The following GPHN variants were observed in gnomAD, a reference collection of about 807,000 sequenced individuals.
The protein encoded by GPHN is gephyrin.
In GPHN, 17 loss-of-function variants were observed where a neutral mutation model predicts 95.5. The ratio of observed to expected loss-of-function variants is 0.18; its 90% confidence interval spans 0.12 to 0.27. GPHN has a LOEUF of 0.27. Among genes scored for constraint, GPHN ranks in the 10% least tolerant of loss-of-function variants. GPHN has a pLI of 1.00. For missense variants in GPHN, 660 were observed against 978.1 expected, an observed-to-expected ratio of 0.67 and a Z score of 4.34; for synonymous variants, 320 against 322.5, an observed-to-expected ratio of 0.99 and a Z score of 0.08.
At chr14:66,626,121 A>G (rs1342134133) in intron 1 of GPHN, among the ~76,000 whole-genome samples, 2 of 152,108 alleles carry the variant, frequency 1.3e-5, no homozygotes, top group African/African-American at 4.8e-5. Context: ...GTTAACTTTC[A>G]ATTAATACCC....
At chr14:66,677,248 C>T (rs2066657727) in intron 1 of GPHN, among the ~76,000 whole-genome samples, 1 of 151,780 alleles carries the variant, frequency 6.6e-6, no homozygotes, top group South Asian at 2.1e-4. Flanking sequence ...TCTTGTGATC[C>T]TTTGTGGGTT....
intron 1 of GPHN, among the ~76,000 whole-genome samples, chr14:66,585,974 A>G (rs1326655353): frequency 1.3e-5 from 2 of 152,076 alleles, no homozygotes; most frequent in Non-Finnish European, 2.9e-5. Context: ...GATCTGTCTA[A>G]TGTTGACAGT....
chr14:67,253,484 C>A, the GPHN span, among the ~76,000 whole-genome samples: 1 of 152,126 alleles, frequency 6.6e-6, no homozygotes. Context: ...CTATTTGACT[C>A]AAGAATTACT....
At chr14:67,508,181 A>C in the GPHN span, among the ~76,000 whole-genome samples, 1 of 150,182 alleles carries the variant, frequency 6.7e-6, no homozygotes, top group Non-Finnish European at 1.5e-5. Flanking sequence ...CCCCTTCTTG[A>C]GAAGGGACTT....
intron 11 of GPHN, among the ~76,000 whole-genome samples, chr14:67,072,205 G>T (rs2076338612): frequency 6.6e-6 from 1 of 152,024 alleles, no homozygotes; most frequent in Admixed American, 6.6e-5. Flanking sequence ...GAAAAAAATA[G>T]AAATTTTCTC....
intron 11 of GPHN, among the ~76,000 whole-genome samples, chr14:67,067,547 C>A (rs554841215): frequency 3.3e-4 from 50 of 152,188 alleles, no homozygotes; most frequent in Admixed American, 9.8e-4. Context: ...TCAGCTATGC[C>A]CTGCCCACAA....
chr14:67,394,857 A>G, the GPHN span, among the ~76,000 whole-genome samples: 1 of 152,152 alleles, frequency 6.6e-6, no homozygotes, highest in African/African-American at 2.4e-5. Flanking sequence ...GTGGCTTTAT[A>G]AGAGGAAGAG....
chr14:67,367,996 T>C, the GPHN span, among the ~76,000 whole-genome samples: 1 of 152,238 alleles, frequency 6.6e-6, no homozygotes. Flanking sequence ...TGTGGGATTG[T>C]AATCTATAGA....
chr14:67,708,949 C>A, the GPHN span, among the ~76,000 whole-genome samples: 1 of 152,050 alleles, frequency 6.6e-6, no homozygotes, highest in Non-Finnish European at 1.5e-5. Context: ...TGCGCCACCA[C>A]ACCCAGCTAA....
At chr14:67,354,859 G>A in the GPHN span, among the ~76,000 whole-genome samples, 6 of 152,122 alleles carry the variant, frequency 3.9e-5, no homozygotes, top group Non-Finnish European at 4.4e-5. Context: ...TGTTGCCCAG[G>A]CTAGAGTGCA....
At chr14:67,457,960 G>C in the GPHN span, among the ~76,000 whole-genome samples, 1 of 152,220 alleles carries the variant, frequency 6.6e-6, no homozygotes, top group African/African-American at 2.4e-5. Flanking sequence ...CTGGTGCCAA[G>C]TGTCCTTCTT....
At chr14:67,557,513 G>C in the GPHN span, 5 of 1,182,086 alleles carry the variant, frequency 4.2e-6, no homozygotes, top group South Asian at 7.3e-5. Context: ...GCCCTCTAGT[G>C]CTGGGGAACT....
chr14:67,040,858 A>G (rs2074666182), intron 10 of GPHN, among the ~76,000 whole-genome samples: 1 of 152,162 alleles, frequency 6.6e-6, no homozygotes, highest in African/African-American at 2.4e-5. Context: ...TACTGGTGAT[A>G]TTAACTTTGA....
chr14:67,145,488 T>C (rs974492614), intron 18 of GPHN, among the ~76,000 whole-genome samples: 2 of 152,196 alleles, frequency 1.3e-5, no homozygotes, highest in African/African-American at 4.8e-5. Flanking sequence ...ATACTTACAC[T>C]AAACCTTTAA....
chr14:66,754,454 A>G (rs1369611807), intron 2 of GPHN, among the ~76,000 whole-genome samples: 1 of 152,018 alleles, frequency 6.6e-6, no homozygotes, highest in Non-Finnish European at 1.5e-5. Flanking sequence ...TCTGAAAATA[A>G]TAAAACTGTG....
the GPHN span, chr14:67,359,873 A>G: frequency 4.3e-6 from 3 of 698,694 alleles, no homozygotes; most frequent in Non-Finnish European, 7.2e-6. Flanking sequence ...TCCGGTTGTC[A>G]CAGGCGACGA....
chr14:67,123,771 T>G (rs2079138591), intron 17 of GPHN, among the ~76,000 whole-genome samples: 1 of 152,164 alleles, frequency 6.6e-6, no homozygotes, highest in Non-Finnish European at 1.5e-5. Flanking sequence ...CAACACAAAT[T>G]CATAAACTTT....
the GPHN span, chr14:67,338,470 A>G: frequency 1.2e-5 from 10 of 833,754 alleles, no homozygotes; most frequent in African/African-American, 1.2e-4. Flanking sequence ...TGATTCTGCA[A>G]AAGTAATCCC....
At chr14:66,909,315 A>G (rs2065551150) in intron 5 of GPHN, among the ~76,000 whole-genome samples, 1 of 152,104 alleles carries the variant, frequency 6.6e-6, no homozygotes, top group African/African-American at 2.4e-5. Flanking sequence ...ACATTTCTCA[A>G]TTCATGTTAT....
Sources: allele counts gnomAD v4.1 joint callset (sites outside exome capture counted in the v4.1 genomes callset), GRCh38; gene constraint gnomAD v4.1.1; transcripts MANE v1.5; gene names NCBI Gene and HGNC (gene_info 2026-07-23, HGNC 2026-07-21).